The following PCDH15 variants were observed in gnomAD, a reference collection of about 807,000 sequenced individuals.
The protein encoded by PCDH15 is protocadherin-15.
A neutral mutation model predicts 178.5 loss-of-function variants in PCDH15; 129 were observed. The ratio of observed to expected loss-of-function variants is 0.72; its 90% confidence interval spans 0.63 to 0.84. PCDH15 has a LOEUF of 0.84. Ranked by LOEUF, PCDH15 falls within the 40% of genes least tolerant of loss-of-function variation. The pLI is 0.00. For synonymous variants in PCDH15, 800 were observed against 732.0 expected (o/e 1.09, Z -1.50); for missense variants, 2,230 against 2,099.9 (o/e 1.06, Z -1.21).
At chr10:54,527,403 G>A (rs1565509662) in intron 3 of PCDH15, among the ~76,000 whole-genome samples, 1 of 152,002 alleles carries the variant, frequency 6.6e-6, no homozygotes, top group Non-Finnish European at 1.5e-5. Context: ...AATCGGCTGT[G>A]GATCTAGATC....
intron 3 of PCDH15, among the ~76,000 whole-genome samples, chr10:54,867,927 G>C (rs1477236941): frequency 6.6e-6 from 1 of 152,056 alleles, no homozygotes; most frequent in African/African-American, 2.4e-5. Flanking sequence ...AATAATTCTT[G>C]TATACCTGAA....
intron 4 of PCDH15, among the ~76,000 whole-genome samples, chr10:54,376,430 A>G (rs530821484): frequency 6.6e-6 from 1 of 150,808 alleles, no homozygotes. Context: ...AAATAAAGGT[A>G]TATATATTTA....
chr10:55,216,008 C>A (rs1436435567), intron 1 of PCDH15, among the ~76,000 whole-genome samples: 1 of 151,570 alleles, frequency 6.6e-6, no homozygotes, highest in African/African-American at 2.4e-5. Context: ...GCTTTGATTC[C>A]ATTTGCAGGT....
chr10:55,560,428 T>A (rs1269662148), intron 2 of PCDH15, among the ~76,000 whole-genome samples: 1 of 151,926 alleles, frequency 6.6e-6, no homozygotes, highest in African/African-American at 2.4e-5. Flanking sequence ...CCAATAGTGA[T>A]TGCCTTAATT....
chr10:54,164,202 A>G (rs937829313), intron 13 of PCDH15, among the ~76,000 whole-genome samples: 10 of 152,212 alleles, frequency 6.6e-5, no homozygotes, highest in Admixed American at 1.3e-4. Flanking sequence ...CTGGTAATGT[A>G]AAATGTATGA....
intron 2 of PCDH15, among the ~76,000 whole-genome samples, chr10:55,528,987 G>A (rs1257517270): frequency 1.3e-5 from 2 of 152,092 alleles, no homozygotes; most frequent in African/African-American, 4.8e-5. Flanking sequence ...GTGATGATGA[G>A]CATTTTTTCA....
intron 3 of PCDH15, among the ~76,000 whole-genome samples, chr10:54,425,827 G>C (rs1158835878): frequency 1.3e-5 from 2 of 151,962 alleles, no homozygotes; most frequent in Non-Finnish European, 2.9e-5. Flanking sequence ...AATACATGAG[G>C]CTTTTTTTCA....
At chr10:54,579,847 A>T (rs2090871694) in intron 2 of PCDH15, among the ~76,000 whole-genome samples, 1 of 152,236 alleles carries the variant, frequency 6.6e-6, no homozygotes, top group Admixed American at 6.6e-5. Context: ...CCACACAATG[A>T]CATGCAAATT....
chr10:54,938,060 G>A (rs1426413796), intron 2 of PCDH15, among the ~76,000 whole-genome samples: 2 of 152,006 alleles, frequency 1.3e-5, no homozygotes, highest in African/African-American at 4.8e-5. Context: ...AAGAGTGTTA[G>A]ATTTTGTCAA....
chr10:55,057,208 T>C (rs1325774667), intron 2 of PCDH15, among the ~76,000 whole-genome samples: 5 of 152,156 alleles, frequency 3.3e-5, no homozygotes, highest in African/African-American at 1.2e-4. Flanking sequence ...TTCTTTTAAT[T>C]TATCATTTGG....
intron 3 of PCDH15, among the ~76,000 whole-genome samples, chr10:54,882,860 G>A (rs1358804491): frequency 1.3e-5 from 2 of 152,050 alleles, no homozygotes; most frequent in African/African-American, 4.8e-5. Context: ...AAGTGAATTA[G>A]TATGATGTAC....
intron 1 of PCDH15, among the ~76,000 whole-genome samples, chr10:54,718,513 C>T (rs988202535): frequency 6.6e-6 from 1 of 151,812 alleles, no homozygotes; most frequent in Non-Finnish European, 1.5e-5. Flanking sequence ...CCAGAAGGAC[C>T]CTACAAATCA....
intron 1 of PCDH15, among the ~76,000 whole-genome samples, chr10:54,760,241 T>G (rs2133127562): frequency 6.6e-6 from 1 of 152,018 alleles, no homozygotes; most frequent in East Asian, 1.9e-4. Flanking sequence ...CTTTACAAAT[T>G]ACCAAAGCAG....
intron 26 of PCDH15, among the ~76,000 whole-genome samples, chr10:53,870,394 C>T (rs2079752529): frequency 6.6e-6 from 1 of 151,736 alleles, no homozygotes; most frequent in Non-Finnish European, 1.5e-5. Flanking sequence ...ATCTTGTCTA[C>T]TGGAATTAAA....
intron 8 of PCDH15, among the ~76,000 whole-genome samples, chr10:54,245,482 C>A (rs1461655621): frequency 1.3e-5 from 2 of 151,964 alleles, no homozygotes; most frequent in Non-Finnish European, 2.9e-5. Flanking sequence ...GGAAGATTGC[C>A]AGATAAGTCT....
intron 2 of PCDH15, among the ~76,000 whole-genome samples, chr10:55,427,530 G>A (rs928826696): frequency 2.6e-5 from 4 of 152,130 alleles, no homozygotes; most frequent in African/African-American, 7.2e-5. Context: ...TGACACTAAC[G>A]AAGAGCAGCA....
intron 2 of PCDH15, among the ~76,000 whole-genome samples, chr10:55,571,598 T>C (rs572991929): frequency 5.5e-4 from 83 of 152,192 alleles, no homozygotes; most frequent in African/African-American, 1.7e-3. Flanking sequence ...AGAACAAATC[T>C]CTTCAAATTA....
chr10:55,312,843 C>T (rs190788052), intron 1 of PCDH15, among the ~76,000 whole-genome samples: 1,527 of 152,090 alleles, frequency 0.01, 29 homozygotes, highest in African/African-American at 0.035. Flanking sequence ...TCTTGAACTC[C>T]CAACCTCAAG....
At chr10:54,056,936 C>A (rs771353801) in intron 18 of PCDH15, among the ~76,000 whole-genome samples, 1 of 152,132 alleles carries the variant, frequency 6.6e-6, no homozygotes, top group Non-Finnish European at 1.5e-5. Flanking sequence ...ACAGGCCCCA[C>A]GCAAGTCCAA....
Sources: allele counts gnomAD v4.1 joint callset (sites outside exome capture counted in the v4.1 genomes callset), GRCh38; gene constraint gnomAD v4.1.1; transcripts MANE v1.5; gene names NCBI Gene and HGNC (gene_info 2026-07-23, HGNC 2026-07-21).